CSMD1: variants seen among roughly 807,000 people sequenced by gnomAD.
CSMD1 encodes CUB and sushi domain-containing protein 1.
Under a neutral mutation model 417.5 loss-of-function variants are expected in CSMD1, and 213 were observed. That is an observed-to-expected ratio of 0.51 (90% CI 0.46 to 0.57). The LOEUF (loss-of-function observed/expected upper bound fraction) is 0.57, where lower values mean the gene tolerates loss of function less well. CSMD1 is among the 20% of genes least tolerant of loss of function. The pLI is 0.00. For synonymous variants in CSMD1, 2,862 were observed against 1,736.8 expected, an observed-to-expected ratio of 1.65 and a Z score of -16.11; for missense variants, 6,923 against 4,529.7, an observed-to-expected ratio of 1.53 and a Z score of -15.17.
chr8:3,106,734 A>G (rs1332968918), intron 45 of CSMD1, 93 bp from the exon 46 acceptor site: 1 of 584,004 alleles, frequency 1.7e-6, no homozygotes, highest in African/African-American at 1.9e-5. Context: ...AATGAATTAA[A>G]TCAACTTGCA....
At chr8:3,974,560 G>C (rs185895270) in intron 5 of CSMD1, among the ~76,000 whole-genome samples, 3 of 152,028 alleles carry the variant, frequency 2.0e-5, no homozygotes, top group East Asian at 3.9e-4. Flanking sequence ...TTAAATGTTT[G>C]CTTTCAGAAC....
chr8:4,539,763 G>C (rs1466894533), intron 2 of CSMD1, among the ~76,000 whole-genome samples: 1 of 152,160 alleles, frequency 6.6e-6, no homozygotes, highest in Non-Finnish European at 1.5e-5. Flanking sequence ...TAGTCACTTA[G>C]AATACAATAC....
chr8:4,432,068 G>A (rs1000500546), intron 2 of CSMD1, among the ~76,000 whole-genome samples: 1 of 152,056 alleles, frequency 6.6e-6, no homozygotes. Context: ...GACTAAAACA[G>A]ACAGGATTAG....
intron 8 of CSMD1, among the ~76,000 whole-genome samples, chr8:3,616,347 C>A (rs1802136746): frequency 6.6e-6 from 1 of 152,212 alleles, no homozygotes; most frequent in South Asian, 2.1e-4. Flanking sequence ...CATTCTTCTC[C>A]TTCCTGTCAC....
rs558338820 is a variant in CSMD1 at position 4,447,935 on chromosome 8, T to G, written c.303-27870A>C. On this transcript the variant is annotated intron_variant, in intron 2 of 69. Transcript: ENST00000635120. ...TCGGAAATGACGACAATTACCACAC[T>G]CACCATATTTTTTAAAAGACAATGC... Among the ~76,000 whole-genome samples the G allele has an allele frequency of 1.1e-4, 16 of 152,198 alleles. No homozygotes were observed. The South Asian group carries it at 1.9e-3, about 18-fold the overall frequency.
At chr8:4,559,207 T>C (rs895882883) in intron 2 of CSMD1, among the ~76,000 whole-genome samples, 1 of 152,184 alleles carries the variant, frequency 6.6e-6, no homozygotes, top group Non-Finnish European at 1.5e-5. Flanking sequence ...TAGTCTCTTA[T>C]GACTTTAAGT....
chr8:3,234,529 C>T (rs1366079948), intron 26 of CSMD1, among the ~76,000 whole-genome samples: 1 of 152,074 alleles, frequency 6.6e-6, no homozygotes, highest in Non-Finnish European at 1.5e-5. Context: ...GTAGGTTTTT[C>T]AATGGAAAGA....
At chr8:3,721,741 A>G (rs995319297) in intron 6 of CSMD1, among the ~76,000 whole-genome samples, 12 of 152,240 alleles carry the variant, frequency 7.9e-5, no homozygotes, top group Admixed American at 7.9e-4. Context: ...ATAAAGGAAC[A>G]GAATTCTAAA....
At chr8:3,777,450 G>A (rs1798953472) in intron 5 of CSMD1, among the ~76,000 whole-genome samples, 1 of 152,136 alleles carries the variant, frequency 6.6e-6, no homozygotes, top group Non-Finnish European at 1.5e-5. Context: ...GGCTTCAAAG[G>A]GAGCAGTGCT....
intron 54 of CSMD1, among the ~76,000 whole-genome samples, chr8:2,997,033 C>A (rs771348299): frequency 1.3e-5 from 2 of 152,228 alleles, no homozygotes; most frequent in Non-Finnish European, 2.9e-5. Flanking sequence ...TGGTCAGGGG[C>A]TGGGGCTCGG....
chr8:3,595,625 T>C (rs1801054254), intron 8 of CSMD1, among the ~76,000 whole-genome samples: 1 of 152,132 alleles, frequency 6.6e-6, no homozygotes, highest in African/African-American at 2.4e-5. Flanking sequence ...AACAGTAAGC[T>C]TGGAGTGATT....
At chr8:4,401,758 T>C (rs1804660069) in intron 3 of CSMD1, among the ~76,000 whole-genome samples, 1 of 152,140 alleles carries the variant, frequency 6.6e-6, no homozygotes, top group Admixed American at 6.6e-5. Flanking sequence ...GTCCCCTCTC[T>C]TGAACATAGT....
intron 5 of CSMD1, among the ~76,000 whole-genome samples, chr8:3,767,210 C>A (rs1215912964): frequency 2.0e-5 from 3 of 152,218 alleles, no homozygotes; most frequent in Admixed American, 2.0e-4. Context: ...TCATTCCATG[C>A]ACAGGCTCTG....
chr8:3,505,847 A>C (rs1480268881), intron 10 of CSMD1, among the ~76,000 whole-genome samples: 1 of 152,208 alleles, frequency 6.6e-6, no homozygotes, highest in Non-Finnish European at 1.5e-5. Flanking sequence ...CTTATCACCA[A>C]CTTGGCTGAA....
intron 49 of CSMD1, among the ~76,000 whole-genome samples, chr8:3,073,312 T>C (rs17389813): frequency 0.13 from 19,906 of 152,098 alleles, 1,559 homozygotes; most frequent in Non-Finnish European, 0.18. Context: ...TAGAAAGTAG[T>C]TGGAATTTTA....
At chr8:3,405,912 T>C in intron 15 of CSMD1, 115 bp downstream of exon 15, 2 of 888,082 alleles carry the variant, frequency 2.3e-6, no homozygotes, top group Non-Finnish European at 3.4e-6. Flanking sequence ...TGACTGTGTG[T>C]GGTATTTTGT....
intron 2 of CSMD1, among the ~76,000 whole-genome samples, chr8:4,563,644 C>G (rs1798450488): frequency 6.6e-6 from 1 of 152,146 alleles, no homozygotes; most frequent in Non-Finnish European, 1.5e-5. Context: ...AAACATAAAA[C>G]CTAAAAGTGA....
chr8:3,663,707 C>A (rs117673498), intron 7 of CSMD1, among the ~76,000 whole-genome samples: 173 of 152,256 alleles, frequency 1.1e-3, no homozygotes, highest in East Asian at 9.7e-3. Context: ...TGCTTCCAGC[C>A]GTTCTGCCCG....
At chr8:3,231,617 G>C (rs1250681580) in intron 26 of CSMD1, among the ~76,000 whole-genome samples, 1 of 151,208 alleles carries the variant, frequency 6.6e-6, no homozygotes, top group African/African-American at 2.4e-5. Context: ...GTGTTATTCA[G>C]ACATTTTTAA....
Sources: gnomAD v4.1 joint callset for allele counts (sites outside exome capture counted in the v4.1 genomes callset) on GRCh38, gnomAD v4.1.1 for gene constraint, MANE v1.5 for transcripts, NCBI Gene and HGNC (gene_info 2026-07-23, HGNC 2026-07-21) for gene names.